The following AUTS2 variants were observed in gnomAD, a reference collection of about 807,000 sequenced individuals.
AUTS2 encodes activator of transcription and developmental regulator AUTS2, also known as autism susceptibility gene 2 protein.
A neutral mutation model predicts 112.4 loss-of-function variants in AUTS2; 17 were observed. The observed-to-expected ratio is 0.15, with a 90% CI of 0.10 to 0.23. The LOEUF is 0.23. AUTS2 is among the 10% of genes least tolerant of loss of function. The pLI, the probability that AUTS2 is intolerant of heterozygous loss-of-function variation, is 1.00. For missense variants in AUTS2, 1,510 were observed against 1,701.6 expected, an observed-to-expected ratio of 0.89 and a Z score of 1.98; for synonymous variants, 751 against 702.7, an observed-to-expected ratio of 1.07 and a Z score of -1.09.
intron 4 of AUTS2, among the ~76,000 whole-genome samples, chr7:70,162,486 A>G (rs71535674): frequency 0.097 from 13,448 of 138,900 alleles, 718 homozygotes; most frequent in South Asian, 0.12. Context: ...AAAAAGAAGT[A>G]AAGGAGAACC....
intron 5 of AUTS2, among the ~76,000 whole-genome samples, chr7:70,499,433 G>A (rs1293210413): frequency 1.3e-5 from 2 of 152,200 alleles, no homozygotes; most frequent in African/African-American, 2.4e-5. Context: ...GGATGGCCGG[G>A]GAACTGGGAA....
intron 5 of AUTS2, among the ~76,000 whole-genome samples, chr7:70,517,642 AC>A (rs1585244831): frequency 6.7e-6 from 1 of 150,024 alleles, no homozygotes; most frequent in East Asian, 1.9e-4. Context: ...TATAAATTAT[AC>A]ATGTATAATT....
At chr7:70,367,959 A>T (rs1316640526) in intron 4 of AUTS2, among the ~76,000 whole-genome samples, 1 of 152,216 alleles carries the variant, frequency 6.6e-6, no homozygotes, top group East Asian at 1.9e-4. Context: ...GTTTAGGGTG[A>T]TGAGAAATGG....
intron 4 of AUTS2, among the ~76,000 whole-genome samples, chr7:70,382,424 A>G (rs1793409847): frequency 6.6e-6 from 1 of 152,074 alleles, no homozygotes; most frequent in Non-Finnish European, 1.5e-5. Flanking sequence ...TCCCAAACAC[A>G]CACACACACT....
intron 1 of AUTS2, among the ~76,000 whole-genome samples, chr7:69,680,584 C>T (rs1434105854): frequency 6.6e-6 from 1 of 152,010 alleles, no homozygotes; most frequent in Non-Finnish European, 1.5e-5. Flanking sequence ...AACTCTATAC[C>T]CCTTAAACAA....
At chr7:70,724,814 T>G (rs759170798) in intron 6 of AUTS2, among the ~76,000 whole-genome samples, 6 of 152,248 alleles carry the variant, frequency 3.9e-5, no homozygotes, top group Non-Finnish European at 8.8e-5. Flanking sequence ...TTAGTAGTAC[T>G]TAATCTAGAG....
At chr7:70,074,592 A>G (rs1391606244) in intron 2 of AUTS2, among the ~76,000 whole-genome samples, 1 of 152,116 alleles carries the variant, frequency 6.6e-6, no homozygotes, top group Non-Finnish European at 1.5e-5. Context: ...AAGTTATCCC[A>G]TTTATTCCAA....
intron 5 of AUTS2, among the ~76,000 whole-genome samples, chr7:70,482,147 G>T (rs1050960869): frequency 2.0e-5 from 3 of 152,098 alleles, no homozygotes; most frequent in African/African-American, 7.2e-5. Context: ...AATTTTCAGG[G>T]GTTTAGGAAA....
At chr7:70,221,650 G>GCTGAGGTGGGCAGATCAC (rs1811493010) in intron 4 of AUTS2, among the ~76,000 whole-genome samples, 1 of 152,232 alleles carries the variant, frequency 6.6e-6, no homozygotes, top group African/African-American at 2.4e-5. Flanking sequence ...ACTTTGGGAG[G>GCTGAGGTGGGCAGATCAC]CTGAGGTGGG....
intron 5 of AUTS2, among the ~76,000 whole-genome samples, chr7:70,522,428 G>T (rs1457486863): frequency 6.6e-6 from 1 of 152,174 alleles, no homozygotes; most frequent in Non-Finnish European, 1.5e-5. Context: ...TACCCAGTAG[G>T]TATTTCTTTA....
chr7:70,546,504 C>T (rs1800788250), intron 5 of AUTS2, among the ~76,000 whole-genome samples: 1 of 145,630 alleles, frequency 6.9e-6, no homozygotes, highest in Non-Finnish European at 1.5e-5. Flanking sequence ...CAGGGCCAGG[C>T]GTGGTAGCTC....
rs890399071 is a variant in AUTS2, at chr7:70,712,612, C to A, written c.742+13992C>A. Among the ~76,000 whole-genome samples, 31 of 152,288 alleles carry A rather than the reference C, an allele frequency of 2.0e-4. No individual in the cohort carries two copies. In the South Asian group the frequency reaches 3.9e-3, roughly 19 times the overall value. On this transcript the variant is annotated intron_variant, in intron 6 of 18. Transcript: ENST00000342771. ...AATTGGAAACTCTGGGGTAGAGTCA[C>A]AACTCTGTTTTCACAAGCCTTCCAG...
At chr7:70,207,012 A>G (rs1023770957) in intron 4 of AUTS2, among the ~76,000 whole-genome samples, 3 of 152,196 alleles carry the variant, frequency 2.0e-5, no homozygotes, top group African/African-American at 7.2e-5. Context: ...GGCTTTTTAT[A>G]GACTAGCTAG....
intron 1 of AUTS2, among the ~76,000 whole-genome samples, chr7:69,713,735 A>G (rs1361265029): frequency 6.6e-6 from 1 of 152,154 alleles, no homozygotes; most frequent in Non-Finnish European, 1.5e-5. Context: ...TGCTGGGATT[A>G]CAAGTGTGAA....
intron 4 of AUTS2, among the ~76,000 whole-genome samples, chr7:70,230,244 C>CTTTTTTG (rs1811977562): frequency 1.3e-5 from 2 of 152,180 alleles, no homozygotes; most frequent in East Asian, 3.9e-4. Context: ...ATGGTTGTTT[C>CTTTTTTG]TTTTTTGTTT....
At chr7:70,391,077 C>T (rs984623035) in intron 4 of AUTS2, among the ~76,000 whole-genome samples, 7 of 152,166 alleles carry the variant, frequency 4.6e-5, no homozygotes, top group African/African-American at 1.4e-4. Flanking sequence ...CTTTTAAATC[C>T]CACACGTACA....
intron 1 of AUTS2, among the ~76,000 whole-genome samples, chr7:69,606,492 A>G (rs1399155252): frequency 6.6e-6 from 1 of 152,076 alleles, no homozygotes; most frequent in East Asian, 1.9e-4. Context: ...ATTTTATTTT[A>G]TTTTACCCCT....
chr7:69,941,764 A>G (rs1562983792), intron 2 of AUTS2, among the ~76,000 whole-genome samples: 1 of 152,158 alleles, frequency 6.6e-6, no homozygotes, highest in Non-Finnish European at 1.5e-5. Flanking sequence ...GAGGAATTAA[A>G]TGTGGTGTTT....
intron 1 of AUTS2, among the ~76,000 whole-genome samples, chr7:69,886,685 C>A (rs1441573598): frequency 6.6e-6 from 1 of 152,058 alleles, no homozygotes; most frequent in Non-Finnish European, 1.5e-5. Flanking sequence ...ACCCCTGCCT[C>A]TAGAACAATG....
Sources: allele counts gnomAD v4.1 joint callset (sites outside exome capture counted in the v4.1 genomes callset), GRCh38; gene constraint gnomAD v4.1.1; transcripts MANE v1.5; gene names NCBI Gene and HGNC (gene_info 2026-07-23, HGNC 2026-07-21).